Variants in PTPRU observed in about 807,000 individuals in gnomAD.
The protein encoded by PTPRU is protein tyrosine phosphatase receptor type U, also known as receptor-type tyrosine-protein phosphatase U.
A neutral mutation model predicts 166.3 loss-of-function variants in PTPRU; 69 were observed. That is an observed-to-expected ratio of 0.41 (90% CI 0.34 to 0.51). The LOEUF (loss-of-function observed/expected upper bound fraction) is 0.51, where lower values mean the gene tolerates loss of function less well. PTPRU is among the 20% of genes least tolerant of loss of function. The pLI is 0.09. For missense variants in PTPRU, 1,657 were observed against 2,013.7 expected (o/e 0.82, Z 3.39); for synonymous variants, 793 against 814.0 (o/e 0.97, Z 0.44).
intron 1 of PTPRU, among the ~76,000 whole-genome samples, chr1:29,245,436 A>G (rs1012227694): frequency 5.9e-5 from 9 of 152,114 alleles, no homozygotes; most frequent in Non-Finnish European, 1.5e-5. Flanking sequence ...CCTCCAGTGC[A>G]TCACAGGGAG....
rs565074706 is a variant in PTPRU at position 29,275,296 on chromosome 1, C to T, written c.1145-152C>T. 2.1e-4 allele frequency: 166 copies of T among 800,712 alleles called. 1 individual carries two copies. The South Asian group carries it at 2.8e-3, about 13-fold the overall frequency. 49.6% of individuals were successfully genotyped at this position (800,712 alleles called of 1,614,324 possible). A position where few individuals can be genotyped will look rare whatever the true frequency, so the allele number is the denominator to read the frequency against. On this transcript the variant is annotated intron_variant, in intron 7 of 29. Coordinates refer to ENST00000373779, the MANE Select transcript of PTPRU (RefSeq NM_133178.4). Reference sequence around the variant, plus strand: ...CCTGACTCCAAAGCACATACTTTTACTCCCTGTTTGATGTTCTAGGGGTCC... The same window carrying T: ...CCTGACTCCAAAGCACATACTTTTATTCCCTGTTTGATGTTCTAGGGGTCC...
At chr1:29,259,813 G>A (rs1684958434) in intron 5 of PTPRU, 57 bp from the exon 6 acceptor site, 8 of 1,472,160 alleles carry the variant, frequency 5.4e-6, no homozygotes, top group Non-Finnish European at 7.2e-6. Flanking sequence ...GGGTCAGAGC[G>A]AGATCGGGAC....
chr1:29,255,343 G>A lies in PTPRU; in HGVS notation c.142G>A (p.Asp48Asn). The part of the protein sequence containing the change: ...PCEYSQAQYD[D>N]FQWEQVRIHP... ...CGAGTACAGCCAGGCCCAGTACGAT[G>A]ACTTCCAGTGGGAGCAAGTGCGAAT... Residue 48 changes from aspartate to asparagine, a missense_variant, in exon 2 of 30, where the codon GAC (aspartate) becomes AAC (asparagine). Transcript: ENST00000373779. The A allele has an allele frequency of 1.2e-6, 2 of 1,614,168 alleles. No individual in the cohort carries two copies. The highest frequency in any genetic ancestry group is 8.5e-7 in the Non-Finnish European group (1 of 1,180,026).
At chr1:29,259,690 G>A (rs952658581) in intron 5 of PTPRU, 126 bp downstream of exon 5, 2 of 1,244,804 alleles carry the variant, frequency 1.6e-6, no homozygotes, top group East Asian at 2.6e-5. Flanking sequence ...CAGCGTCCCG[G>A]CCCTCCCCTA....
At position 29,303,851 on chromosome 1, in the gene PTPRU, G is replaced by T. The variant is rs59421265; in HGVS notation, c.2477-4G>T. ...AGAACCCTTTTGTCTTTCTCTGACT[G>T]CAGGAGACCAGCGCAGCGGTGGGGT... On this transcript the variant is annotated splice_region_variant and splice_polypyrimidine_tract_variant and intron_variant, in intron 15 of 29. Coordinates refer to ENST00000373779, the MANE Select transcript of PTPRU (RefSeq NM_133178.4). 1.2e-6 allele frequency: 2 copies of T among 1,600,596 alleles called. No homozygotes were observed. Among genetic ancestry groups the T allele is most frequent in the Non-Finnish European group, 1.7e-6 (2 of 1,169,602 alleles).
chr1:29,257,146 G>A lies in PTPRU; in HGVS notation c.206-1359G>A, dbSNP rs932711940. Among the ~76,000 whole-genome samples, 59 of 152,188 alleles carry A rather than the reference G, an allele frequency of 3.9e-4. No homozygotes were observed. Among genetic ancestry groups the A allele is most frequent in the African/African-American group, 1.4e-3 (58 of 41,518 alleles). On this transcript the variant is annotated intron_variant, in intron 2 of 29. Coordinates refer to ENST00000373779, the MANE Select transcript of PTPRU (RefSeq NM_133178.4). This position sits in a 1 kb window ranked among gnomAD's most constrained non-coding sequence, Gnocchi z 4.6. The stretch of plus-strand genomic sequence containing the variant: ...CGAGGAGGAGGCAGAGGGAGCAGGA[G>A]GAGGAGGAAAGAACAAAGTGTCAGA...
chr1:29,284,770 A>T lies in PTPRU; in HGVS notation c.2219A>T (p.Gln740Leu), dbSNP rs753385501. 5.0e-6 allele frequency: 8 copies of T among 1,613,942 alleles called. No homozygotes were observed. The highest frequency in any genetic ancestry group is 1.7e-5 in the Admixed American group (1 of 59,986). ...AGCAAGCGGCCCCTGGAGGTGTCCC[A>T]GAGATCGGAGGAGATGGGGCTTATC... The part of the protein sequence containing the change: ...KESKRPLEVS[Q>L]RSEEMGLILG... Residue 740 changes from glutamine (Q) to leucine (L), a missense_variant, in exon 14 of 30, where the codon CAG becomes CTG. Gln to Leu is a moderately radical substitution (Grantham distance 113). Around this residue, in one of 3 missense-constraint regions of PTPRU, gnomAD observed 1,190 missense variants for 1,477.4 expected, o/e 0.81. Coordinates refer to ENST00000373779, the MANE Select transcript of PTPRU (RefSeq NM_133178.4).
chr1:29,267,647 A>G (rs896496515), intron 7 of PTPRU, among the ~76,000 whole-genome samples: 1 of 152,136 alleles, frequency 6.6e-6, no homozygotes, highest in Non-Finnish European at 1.5e-5. Context: ...TTAGTGACTG[A>G]GTGGGAGATG....
chr1:29,257,103 G>A lies in PTPRU; in HGVS notation c.206-1402G>A, dbSNP rs1684804308. 6.6e-6 allele frequency among the ~76,000 whole-genome samples: 1 copy of A among 151,994 alleles called. No homozygotes were observed. The highest frequency in any genetic ancestry group is 6.6e-5 in the Admixed American group (1 of 15,266). The stretch of plus-strand genomic sequence containing the variant: ...ACAAAGGGAGTAAATGAAAGAGAAG[G>A]GGAGGGATGTAGTGAGCCGAGGAGG... On this transcript the variant is annotated intron_variant, in intron 2 of 29. Coordinates refer to ENST00000373779, the MANE Select transcript of PTPRU (RefSeq NM_133178.4). This position sits in a 1 kb window ranked among gnomAD's most constrained non-coding sequence, Gnocchi z 4.6.
In PTPRU at chr1:29,311,828, C is replaced by T; in HGVS notation, c.3072+69C>T. 6.9e-7 allele frequency: 1 copy of T among 1,449,016 alleles called. No individual in the cohort carries two copies. The highest frequency in any genetic ancestry group is 9.6e-7 in the Non-Finnish European group (1 of 1,043,070). The allele number at this position is 1,449,016 out of a possible 1,614,324, so 89.8% of individuals were successfully genotyped here. A position where few individuals can be genotyped will look rare whatever the true frequency, so the allele number is the denominator to read the frequency against. Reference sequence around the variant, plus strand: ...AGGGATTAGAGCCCACTCCCACTTCCCCCAGCCCTGGGAGCAGGAGGGTGA... The same window carrying T: ...AGGGATTAGAGCCCACTCCCACTTCTCCCAGCCCTGGGAGCAGGAGGGTGA... On this transcript the variant is annotated intron_variant, in intron 21 of 29. Coordinates refer to ENST00000373779, the MANE Select transcript of PTPRU (RefSeq NM_133178.4). This position sits in a 1 kb window ranked among gnomAD's most constrained non-coding sequence, Gnocchi z 4.1.
chr1:29,249,314 G>C (rs1213993896), intron 1 of PTPRU, among the ~76,000 whole-genome samples: 2 of 152,210 alleles, frequency 1.3e-5, no homozygotes, highest in African/African-American at 4.8e-5. Flanking sequence ...GAGCCCAGCC[G>C]GATGTGGCTA....
At chr1:29,288,428 C>T (rs184577726) in intron 14 of PTPRU, among the ~76,000 whole-genome samples, 71 of 152,246 alleles carry the variant, frequency 4.7e-4, no homozygotes, top group African/African-American at 1.7e-3. Context: ...AGCTGGCACT[C>T]GTGGGAGAGT....
intron 2 of PTPRU, among the ~76,000 whole-genome samples, chr1:29,256,653 G>A (rs2151943955): frequency 6.6e-6 from 1 of 152,334 alleles, no homozygotes; most frequent in South Asian, 2.1e-4. Flanking sequence ...CTCTGCCTCT[G>A]CAGGTGTTAG....
chr1:29,276,191 C>G (rs1685796828), intron 8 of PTPRU, among the ~76,000 whole-genome samples: 1 of 152,148 alleles, frequency 6.6e-6, no homozygotes, highest in Non-Finnish European at 1.5e-5. Context: ...GAGTCTTGCT[C>G]TGTTGCCCAG....
At chr1:29,290,412 C>G (rs747483100) in intron 14 of PTPRU, among the ~76,000 whole-genome samples, 1 of 152,228 alleles carries the variant, frequency 6.6e-6, no homozygotes, top group Non-Finnish European at 1.5e-5. Context: ...TGCACTGGAA[C>G]TGGGATACAA....
chr1:29,313,978 A>T (rs535808643), intron 22 of PTPRU, among the ~76,000 whole-genome samples: 1 of 152,228 alleles, frequency 6.6e-6, no homozygotes, highest in South Asian at 2.1e-4. Context: ...CACTATTCTG[A>T]CTTCTAAAGC....
rs371005244 is a variant in PTPRU, at chr1:29,323,643, C to T, written c.3967C>T (p.His1323Tyr). The T allele has an allele frequency of 5.6e-6, 9 of 1,613,900 alleles. No homozygotes were observed. The highest frequency in any genetic ancestry group is 1.6e-4 in the Middle Eastern group (1 of 6,084). Residue 1323 changes from histidine (H) to tyrosine (Y), a missense_variant, in exon 28 of 30, where the codon CAC (histidine) becomes TAC (tyrosine). His to Tyr is a moderately conservative substitution (Grantham distance 83). Transcript: ENST00000373779. ...CCCCTGTCCCCAGTTGCAGGAGGGG[C>T]ACCTGCTGGTGCGGCACTTCCAGTT... Reference protein sequence around the residue: ...VQNISRLQEGHLLVRHFQFLR... With the variant: ...VQNISRLQEGYLLVRHFQFLR...
rs1235435477 is a variant in PTPRU at position 29,323,154 on chromosome 1, C to T, written c.3829-217C>T. 7 of 573,306 alleles carry T rather than the reference C, an allele frequency of 1.2e-5. No homozygotes were observed. In the Admixed American group the frequency reaches 1.2e-4, roughly 10 times the overall value. 35.5% of individuals were successfully genotyped at this position (573,306 alleles called of 1,614,324 possible). On this transcript the variant is annotated intron_variant, in intron 26 of 29. Coordinates refer to ENST00000373779, the MANE Select transcript of PTPRU (RefSeq NM_133178.4). ...AAGGGTTCATCTTGGCTGATCTGAACGTGTCAGTGCAGAACGCATTGGGGC... is the reference window on the plus strand; with the variant it reads ...AAGGGTTCATCTTGGCTGATCTGAATGTGTCAGTGCAGAACGCATTGGGGC...
In PTPRU at chr1:29,279,572, C is replaced by G; in HGVS notation, c.1680C>G (p.Gly560=). The G allele has an allele frequency of 6.2e-7, 1 of 1,614,182 alleles. No individual in the cohort carries two copies. The highest frequency in any genetic ancestry group is 8.5e-7 in the Non-Finnish European group (1 of 1,180,042). ...TYHVFSNLHP[G]TTYLFSVRAR... The stretch of plus-strand genomic sequence containing the variant: ...ATGTCTTCTCCAACCTGCACCCAGG[C>G]ACCACCTACCTGTTCTCCGTGCGGG... Residue 560 remains glycine (G), a synonymous_variant, in exon 10 of 30, where the codon GGC becomes GGG. Transcript: ENST00000373779. This position sits in a 1 kb window ranked among gnomAD's most constrained non-coding sequence, Gnocchi z 5.2.
Sources: gnomAD v4.1 joint callset for allele counts (sites outside exome capture counted in the v4.1 genomes callset) on GRCh38, gnomAD v4.1.1 for gene constraint, gnomAD v4.1.1 regional missense constraint, Gnocchi (gnomAD v3.1) non-coding constraint, MANE v1.5 for transcripts, NCBI Gene and HGNC (gene_info 2026-07-23, HGNC 2026-07-21) for gene names.